Variants in ZFYVE26 observed in about 807,000 individuals in gnomAD.
The protein encoded by ZFYVE26 is zinc finger FYVE domain-containing protein 26.
Under a neutral mutation model 276.5 loss-of-function variants are expected in ZFYVE26, and 181 were observed. The observed-to-expected ratio is 0.65, with a 90% CI of 0.58 to 0.74. The LOEUF (loss-of-function observed/expected upper bound fraction) is 0.74. Ranked by LOEUF, ZFYVE26 falls within the 30% of genes least tolerant of loss-of-function variation. ZFYVE26 has a pLI of 0.00. For missense variants in ZFYVE26, 2,821 were observed against 3,097.9 expected, an observed-to-expected ratio of 0.91 and a Z score of 2.12; for synonymous variants, 1,129 against 1,203.1, an observed-to-expected ratio of 0.94 and a Z score of 1.27.
chr14:67,790,453 G>T lies in ZFYVE26; in HGVS notation c.2755+119C>A, dbSNP rs2039780456. 1.7e-5 allele frequency: 18 copies of T among 1,090,412 alleles called. No individual in the cohort carries two copies. In the South Asian group the frequency reaches 1.9e-4, roughly 12 times the overall value. The allele number at this position is 1,090,412 out of a possible 1,614,324, so 67.5% of individuals were successfully genotyped here. On this transcript the variant is annotated intron_variant, in intron 15 of 41. Coordinates refer to ENST00000347230, the MANE Select transcript of ZFYVE26 (RefSeq NM_015346.4). ...TCAGGTTTGCTGTTTTTCAAGGCAGGTGTCCTGTATTTAATTTCTGCTCAC... is the reference window on the plus strand; with the variant it reads ...TCAGGTTTGCTGTTTTTCAAGGCAGTTGTCCTGTATTTAATTTCTGCTCAC...
At chr14:67,755,908 C>G (rs753884120) in intron 36 of ZFYVE26, 40 bp downstream of exon 36, 1 of 1,612,808 alleles carries the variant, frequency 6.2e-7, no homozygotes, top group South Asian at 1.1e-5. Context: ...GGGTGGGGCA[C>G]CAGCAACAGA....
rs1452126484 is a variant in ZFYVE26 at position 67,747,659 on chromosome 14, C to T, written c.*777G>A. On this transcript the variant is annotated 3_prime_UTR_variant, in exon 42 of 42. Transcript: ENST00000347230. Reference sequence around the variant, plus strand: ...AGCACCCGCTCCCCCCACCACCCCCCACCGCCTCCCCTGTATCCCTGTTTG... The same window carrying T: ...AGCACCCGCTCCCCCCACCACCCCCTACCGCCTCCCCTGTATCCCTGTTTG... The T allele has an allele frequency of 6.6e-6, 1 of 150,700 alleles. No individual in the cohort carries two copies. Among genetic ancestry groups the T allele is most frequent in the African/African-American group, 2.5e-5 (1 of 40,806 alleles). The allele number at this position is 150,700 out of a possible 1,614,324, so 9.3% of individuals were successfully genotyped here.
Position 67,807,709 on chromosome 14 carries a change from G to A in ZFYVE26, c.575C>T (p.Ala192Val). The A allele has an allele frequency of 6.2e-7, 1 of 1,614,196 alleles. No individual in the cohort carries two copies. Among genetic ancestry groups the A allele is most frequent in the Non-Finnish European group, 8.5e-7 (1 of 1,180,044 alleles). The change falls in exon 5 of 42, where the codon GCA (alanine) becomes GTA (valine). Residue 192 changes from alanine to valine, a missense_variant. By Grantham distance (64) the Ala-to-Val change is moderately conservative. Coordinates refer to ENST00000347230, the MANE Select transcript of ZFYVE26 (RefSeq NM_015346.4). The part of the protein sequence containing the change: ...TGLCHWPLQN[A>V]LVDLIRKALR... ...TGCCTTTCGAATGAGGTCCACCAGT[G>A]CATTCTGCAGAGGCCAGTGACAGAG...
chr14:67,790,469 T>A, intron 15 of ZFYVE26, 103 bp downstream of exon 15: 2 of 1,281,340 alleles, frequency 1.6e-6, no homozygotes, highest in Non-Finnish European at 2.2e-6. Flanking sequence ...TGTATTTAAT[T>A]TCTGCTCACC....
chr14:67,742,794 CT>C (rs1455241701), downstream of ZFYVE26, among the ~76,000 whole-genome samples: 3 of 145,338 alleles, frequency 2.1e-5, no homozygotes, highest in Non-Finnish European at 4.4e-5. Context: ...TCCTTCCTTC[CT>C]TCCTTCTTCC....
At position 67,798,642 on chromosome 14, in the gene ZFYVE26, A is replaced by T; in HGVS notation, c.1640-20T>A. ...CAGCACCTACAAAAACATGTACAAGAGAAGAGGCCAGAGAAAGAGAAGACA... is the reference window on the plus strand; with the variant it reads ...CAGCACCTACAAAAACATGTACAAGTGAAGAGGCCAGAGAAAGAGAAGACA... On this transcript the variant is annotated intron_variant, in intron 10 of 41. Transcript: ENST00000347230. 1 of 1,613,472 alleles carries T rather than the reference A, an allele frequency of 6.2e-7. No individual in the cohort carries two copies.
chr14:67,768,687 G>T, intron 29 of ZFYVE26, 139 bp from the exon 30 acceptor site: 1 of 806,452 alleles, frequency 1.2e-6, no homozygotes, highest in Non-Finnish European at 2.1e-6. Flanking sequence ...GAATGAAAGA[G>T]TCCCCCATCA....
chr14:67,766,044 G>A (rs533056544), intron 32 of ZFYVE26, among the ~76,000 whole-genome samples, 183 bp downstream of exon 32: 2 of 152,338 alleles, frequency 1.3e-5, no homozygotes, highest in Non-Finnish European at 2.9e-5. Context: ...AGGGTGTCAG[G>A]TAGGATGGGG....
At chr14:67,779,532 A>AGCCT (rs1283741347) in intron 23 of ZFYVE26, among the ~76,000 whole-genome samples, 1 of 152,204 alleles carries the variant, frequency 6.6e-6, no homozygotes, top group Non-Finnish European at 1.5e-5. Context: ...ATTGCACTCC[A>AGCCT]GCCTGGGTGA....
chr14:67,769,854 T>G, intron 28 of ZFYVE26, 124 bp from the exon 29 acceptor site: 1 of 1,348,070 alleles, frequency 7.4e-7, no homozygotes, highest in East Asian at 2.4e-5. Flanking sequence ...ACTGCTTGGG[T>G]CTCTATTGGA....
chr14:67,768,913 T>C (rs983328861), intron 29 of ZFYVE26, among the ~76,000 whole-genome samples: 2 of 152,184 alleles, frequency 1.3e-5, no homozygotes, highest in Admixed American at 6.5e-5. Flanking sequence ...AGAAAATCTA[T>C]TTAAGTTTGT....
At chr14:67,763,066 C>A (rs1273442231) in intron 32 of ZFYVE26, among the ~76,000 whole-genome samples, 1 of 152,164 alleles carries the variant, frequency 6.6e-6, no homozygotes, top group African/African-American at 2.4e-5. Context: ...CCTTGCCCAG[C>A]TAGTTTTTGT....
chr14:67,796,780 C>G (rs1004856797), intron 12 of ZFYVE26: 9 of 151,804 alleles, frequency 5.9e-5, no homozygotes, highest in African/African-American at 2.2e-4. Context: ...GGCAAAACCC[C>G]GTCTCTACTA....
rs753003045 is a variant in ZFYVE26 at position 67,807,902 on chromosome 14, T to G, written c.382A>C (p.Thr128Pro). The change falls in exon 5 of 42, where the codon ACA becomes CCA. Residue 128 changes from threonine (T) to proline (P), a missense_variant. Coordinates refer to ENST00000347230, the MANE Select transcript of ZFYVE26 (RefSeq NM_015346.4). ...GGCACGTGGCCTACTGCACCCTGTGTTAAGGTCTCATACAGCTCCTAAATA... is the reference window on the plus strand; with the variant it reads ...GGCACGTGGCCTACTGCACCCTGTGGTAAGGTCTCATACAGCTCCTAAATA... The part of the protein sequence containing the change: ...NILEELYETL[T>P]QGAVGHVPDG... The G allele has an allele frequency of 6.2e-7, 1 of 1,614,194 alleles. No homozygotes were observed. Among genetic ancestry groups the G allele is most frequent in the Admixed American group, 1.7e-5 (1 of 60,022 alleles).
downstream of ZFYVE26, among the ~76,000 whole-genome samples, chr14:67,746,081 A>T (rs193169968): frequency 9.2e-5 from 14 of 152,298 alleles, no homozygotes; most frequent in Non-Finnish European, 1.3e-4. Context: ...GATGGCAACA[A>T]CATAAAATGT....
At chr14:67,806,757 G>T in intron 5 of ZFYVE26, 82 bp from the exon 6 acceptor site, 3 of 1,554,576 alleles carry the variant, frequency 1.9e-6, no homozygotes, top group South Asian at 2.3e-5. Context: ...ACCAAGTGAT[G>T]TGAGAGTTTG....
At chr14:67,752,897 T>A (rs985598271) in intron 39 of ZFYVE26, among the ~76,000 whole-genome samples, 5 of 152,162 alleles carry the variant, frequency 3.3e-5, no homozygotes, top group Middle Eastern at 3.2e-3. Flanking sequence ...CGCAGGTGAC[T>A]TAGTGTTCAG....
chr14:67,794,364 C>T, intron 12 of ZFYVE26, 125 bp from the exon 13 acceptor site: 1 of 931,602 alleles, frequency 1.1e-6, no homozygotes, highest in Admixed American at 1.8e-5. Context: ...AACTATGACA[C>T]CTGCTGCTCC....
Position 67,752,380 on chromosome 14 carries a change from G to A in ZFYVE26, c.7335C>T (p.Leu2445=). The A allele has an allele frequency of 6.2e-7, 1 of 1,612,582 alleles. No individual in the cohort carries two copies. Among genetic ancestry groups the A allele is most frequent in the African/African-American group, 1.3e-5 (1 of 75,026 alleles). The part of the protein sequence containing the change: ...AAKSDGDTIL[L]NCLEAFKRIP... ...TTCTCTTGAACGCTTCCAGGCAGTT[G>A]AGGAGGATGGTGTCCCCGTCACTTT... Residue 2445 remains leucine, a synonymous_variant, in exon 40 of 42, where the codon CTC becomes CTT. Transcript: ENST00000347230.
Sources: allele counts gnomAD v4.1 joint callset (sites outside exome capture counted in the v4.1 genomes callset), GRCh38; gene constraint gnomAD v4.1.1; transcripts MANE v1.5; gene names NCBI Gene and HGNC (gene_info 2026-07-23, HGNC 2026-07-21).